The following BICD1 variants were observed in gnomAD, a reference collection of about 807,000 sequenced individuals.
The protein encoded by BICD1 is protein bicaudal D homolog 1.
BICD1 carries 35 observed loss-of-function variants against 92.5 expected under a neutral mutation model. The observed-to-expected ratio is 0.38, with a 90% CI of 0.29 to 0.50. The LOEUF is 0.50. BICD1 is among the 20% of genes least tolerant of loss of function. The pLI, the probability that BICD1 is intolerant of heterozygous loss-of-function variation, is 0.93. For synonymous variants in BICD1, 429 were observed against 465.1 expected (o/e 0.92, Z 1.00); for missense variants, 950 against 1,189.8 (o/e 0.80, Z 2.97).
chr12:32,202,857 C>T (rs982059763), intron 1 of BICD1, among the ~76,000 whole-genome samples: 9 of 152,276 alleles, frequency 5.9e-5, no homozygotes, highest in East Asian at 1.9e-4. Context: ...GAGATCTGCC[C>T]GCCTCAGCCT....
intron 1 of BICD1, among the ~76,000 whole-genome samples, chr12:32,180,187 G>A (rs35890616): frequency 0.068 from 10,368 of 151,792 alleles, 569 homozygotes; most frequent in African/African-American, 0.13. Flanking sequence ...ATGTCCCTGA[G>A]CTTCTGGGTT....
chr12:32,288,393 G>A (rs1011545448), intron 2 of BICD1, among the ~76,000 whole-genome samples: 1 of 151,656 alleles, frequency 6.6e-6, no homozygotes, highest in Non-Finnish European at 1.5e-5. Flanking sequence ...CACCATACCT[G>A]GCTAATTTTG....
chr12:32,267,377 T>C (rs1481540645), intron 2 of BICD1, among the ~76,000 whole-genome samples: 2 of 152,356 alleles, frequency 1.3e-5, no homozygotes, highest in East Asian at 3.9e-4. Flanking sequence ...TTTTTTTGTT[T>C]TGTATTTTAA....
At chr12:32,242,775 T>C (rs543932728) in intron 2 of BICD1, among the ~76,000 whole-genome samples, 2 of 152,302 alleles carry the variant, frequency 1.3e-5, no homozygotes, top group African/African-American at 4.8e-5. Context: ...TCGTTTCTTA[T>C]GAGATTCCTT....
intron 8 of BICD1, among the ~76,000 whole-genome samples, chr12:32,346,613 CGT>C (rs1491404283): frequency 4.2e-5 from 1 of 23,616 alleles, no homozygotes; most frequent in Admixed American, 7.1e-4. Flanking sequence ...TATATATATA[CGT>C]GTATATATAT....
chr12:32,346,554 AT>A (rs1938586075), intron 8 of BICD1, among the ~76,000 whole-genome samples: 1 of 27,886 alleles, frequency 3.6e-5, no homozygotes, highest in African/African-American at 2.6e-4. Context: ...ATATATATAT[AT>A]ATATATATAT....
At chr12:32,240,576 A>T (rs1256283643) in intron 2 of BICD1, among the ~76,000 whole-genome samples, 1 of 152,168 alleles carries the variant, frequency 6.6e-6, no homozygotes, top group Admixed American at 6.6e-5. Flanking sequence ...CTTAGGGTCT[A>T]CCTTGCTAAT....
chr12:32,284,962 A>G (rs181372956), intron 2 of BICD1, among the ~76,000 whole-genome samples: 262 of 152,230 alleles, frequency 1.7e-3, no homozygotes, highest in African/African-American at 6.0e-3. Context: ...TGTTTTCCAG[A>G]TTTTTCTGTT....
chr12:32,240,517 T>C (rs1946206342), intron 2 of BICD1, among the ~76,000 whole-genome samples: 1 of 152,226 alleles, frequency 6.6e-6, no homozygotes, highest in Admixed American at 6.5e-5. Context: ...GCCTTTTTCT[T>C]CTGTCAAGTC....
chr12:32,241,578 A>G (rs1035820577), intron 2 of BICD1, among the ~76,000 whole-genome samples: 2 of 152,206 alleles, frequency 1.3e-5, no homozygotes, highest in South Asian at 2.1e-4. Context: ...ATGGTTATGC[A>G]TGTCCTAGAT....
intron 8 of BICD1, among the ~76,000 whole-genome samples, chr12:32,342,896 G>C (rs928777996): frequency 6.6e-6 from 1 of 152,198 alleles, no homozygotes; most frequent in Non-Finnish European, 1.5e-5. Context: ...AACATTAGTA[G>C]AATATTGTAT....
chr12:32,324,287 G>A (rs1454283768), intron 4 of BICD1, among the ~76,000 whole-genome samples: 8 of 151,248 alleles, frequency 5.3e-5, no homozygotes, highest in African/African-American at 1.5e-4. Context: ...CCCGGGAGGC[G>A]GAGGTTGCAG....
chr12:32,285,194 G>A (rs1468658069), intron 2 of BICD1, among the ~76,000 whole-genome samples: 2 of 152,128 alleles, frequency 1.3e-5, no homozygotes, highest in East Asian at 3.9e-4. Flanking sequence ...CCTTTATAAA[G>A]TGTTCCCTGG....
rs1173369013 is a variant in BICD1 at position 32,342,232 on chromosome 12, A to ATG, written c.2764+3255_2764+3256dup. On this transcript the variant is annotated intron_variant, in intron 8 of 9. Coordinates refer to ENST00000652176, the MANE Select transcript of BICD1 (RefSeq NM_001714.4). Reference sequence around the variant, plus strand: ...TATATATATATATATATATATATATATGTATAGTTTTGGGGGTTTGTTTTT... The same window carrying ATG: ...TATATATATATATATATATATATATATGTGTATAGTTTTGGGGGTTTGTTTTT... Among the ~76,000 whole-genome samples the ATG allele has an allele frequency of 1.8e-4, 24 of 136,866 alleles. No individual in the cohort carries two copies. The East Asian group carries it at 4.8e-3, about 27-fold the overall frequency. The allele number at this position is 136,866 out of a possible 152,430, so 89.8% of individuals were successfully genotyped here.
At chr12:32,161,085 A>T (rs1411204859) in intron 1 of BICD1, among the ~76,000 whole-genome samples, 1 of 152,222 alleles carries the variant, frequency 6.6e-6, no homozygotes, top group African/African-American at 2.4e-5. Flanking sequence ...CCGGAAAGAA[A>T]AGTGATATAA....
In BICD1 at chr12:32,202,184, C is replaced by T. The variant is rs553773212; in HGVS notation, c.214-14063C>T. Reference sequence around the variant, plus strand: ...AGAGAGAGGAAGCATGGACAGCTGCCAGCCTGGGCAGATGGCGTCTGTTTG... The same window carrying T: ...AGAGAGAGGAAGCATGGACAGCTGCTAGCCTGGGCAGATGGCGTCTGTTTG... On this transcript the variant is annotated intron_variant, in intron 1 of 9. Transcript: ENST00000652176. 3.9e-5 allele frequency among the ~76,000 whole-genome samples: 6 copies of T among 152,316 alleles called. No homozygotes were observed. In the South Asian group the frequency reaches 1.2e-3, roughly 32 times the overall value.
intron 1 of BICD1, among the ~76,000 whole-genome samples, chr12:32,204,716 T>C (rs959703491): frequency 6.6e-6 from 1 of 152,190 alleles, no homozygotes; most frequent in South Asian, 2.1e-4. Flanking sequence ...ACCTGGCCCT[T>C]ACCCCAGACC....
rs1436045177 is a variant in BICD1 at position 32,320,208 on chromosome 12, G to T, written c.1006-7253G>T. Among the ~76,000 whole-genome samples, 18 of 152,172 alleles carry T rather than the reference G, an allele frequency of 1.2e-4. No homozygotes were observed. The East Asian group carries it at 3.3e-3, about 28-fold the overall frequency. On this transcript the variant is annotated intron_variant, in intron 4 of 9. Transcript: ENST00000652176. ...CACATGATCATTTAAGTGTCAAACT[G>T]AGAGTCAAAAGACTTGGCTGGGCAG...
rs759529511 is a variant in BICD1 at position 32,306,053 on chromosome 12, C to T, written c.936C>T (p.Asn312=). ...CCTTAAGGAAAGGAGAGTCTCTGAA[C>T]CCTGTCTCTGACTTATTCAGTGAGC... is the stretch of plus-strand genomic sequence containing the variant. ...TPTLRKGESL[N]PVSDLFSELN... is the part of the protein sequence containing the mutation. The change falls in exon 4 of 10, where the codon AAC becomes AAT. Residue 312 remains asparagine (N), a synonymous_variant. Coordinates refer to ENST00000652176, the MANE Select transcript of BICD1 (RefSeq NM_001714.4). 2 of 1,614,002 alleles carry T rather than the reference C, an allele frequency of 1.2e-6. No individual in the cohort carries two copies. The highest frequency in any genetic ancestry group is 1.7e-5 in the Admixed American group (1 of 59,988).
Sources: gnomAD v4.1 joint callset for allele counts (sites outside exome capture counted in the v4.1 genomes callset) on GRCh38, gnomAD v4.1.1 for gene constraint, MANE v1.5 for transcripts, NCBI Gene and HGNC (gene_info 2026-07-23, HGNC 2026-07-21) for gene names.